The following MTMR10 variants were observed in gnomAD, a reference collection of about 807,000 sequenced individuals.
MTMR10 encodes the protein myotubularin related protein 10.
A neutral mutation model predicts 88.1 loss-of-function variants in MTMR10; 56 were observed. The observed-to-expected ratio is 0.64, with a 90% CI of 0.51 to 0.79. The LOEUF (loss-of-function observed/expected upper bound fraction) is 0.79, where lower values mean the gene tolerates loss of function less well. Among genes scored for constraint, MTMR10 ranks in the 30% least tolerant of loss-of-function variants. MTMR10 has a pLI of 0.00. For synonymous variants in MTMR10, 380 were observed against 340.9 expected, an observed-to-expected ratio of 1.11 and a Z score of -1.26; for missense variants, 883 against 924.7, an observed-to-expected ratio of 0.95 and a Z score of 0.58.
chr15:30,973,510 G>A (rs898478006), intron 5 of MTMR10, among the ~76,000 whole-genome samples: 10 of 152,072 alleles, frequency 6.6e-5, no homozygotes, highest in Non-Finnish European at 1.5e-4. Context: ...GACTAACCAT[G>A]GAAAACAAAG....
intron 2 of MTMR10, among the ~76,000 whole-genome samples, chr15:30,979,118 T>C (rs2030371222): frequency 6.6e-6 from 1 of 152,144 alleles, no homozygotes; most frequent in African/African-American, 2.4e-5. Context: ...GACACAGCCC[T>C]GTAACAATGA....
At chr15:30,925,668 T>C in the MTMR10 span, 5 of 1,112,202 alleles carry the variant, frequency 4.5e-6, no homozygotes, top group African/African-American at 6.2e-5. Context: ...CCCCACGCTG[T>C]GTGCTCTACT....
At chr15:30,979,397 A>T (rs79446265) in intron 2 of MTMR10, among the ~76,000 whole-genome samples, 1 of 77,900 alleles carries the variant, frequency 1.3e-5, no homozygotes, top group African/African-American at 4.1e-5. Flanking sequence ...CATCTCTATT[A>T]AAAAAAAAAA....
chr15:30,964,976 T>C (rs2141030893), intron 6 of MTMR10, among the ~76,000 whole-genome samples: 1 of 152,298 alleles, frequency 6.6e-6, no homozygotes, highest in Non-Finnish European at 1.5e-5. Flanking sequence ...CTGCAGAAAT[T>C]AGAAGTCACA....
chr15:30,990,822 T>C lies in MTMR10; in HGVS notation c.76A>G (p.Asn26Asp). 6.2e-7 allele frequency: 1 copy of C among 1,607,064 alleles called. No individual in the cohort carries two copies. Among genetic ancestry groups the C allele is most frequent in the Non-Finnish European group, 8.5e-7 (1 of 1,176,450 alleles). The change falls in exon 2 of 16, where the codon AAT becomes GAT. Residue 26 changes from asparagine (N) to aspartate (D), a missense_variant. Asn to Asp is a conservative substitution (Grantham distance 23). Around this residue, in one of 3 missense-constraint regions of MTMR10, gnomAD observed 414 missense variants for 423.2 expected, o/e 0.98. Transcript: ENST00000435680. The part of the protein sequence containing the change: ...LPPPQTDDKI[N>D]SEPKIKKLEP... ...AGTTTTTTAATCTTCGGTTCCGAAT[T>C]GATCTTATCGTCAGTCTGAAATACA... is the stretch of plus-strand genomic sequence containing the variant.
the MTMR10 span, chr15:30,928,269 C>T: frequency 9.0e-5 from 109 of 1,205,790 alleles, no homozygotes; most frequent in Middle Eastern, 3.4e-4. Context: ...TTAGGTTATT[C>T]ACTAAAGTTT....
At chr15:30,977,461 A>T (rs2030237353) in intron 2 of MTMR10, among the ~76,000 whole-genome samples, 1 of 152,246 alleles carries the variant, frequency 6.6e-6, no homozygotes. Flanking sequence ...CTCAGATTAT[A>T]ACTTAGTAGG....
rs1214741958 is a variant in MTMR10 at position 30,939,825 on chromosome 15, CTG to C, written c.*1643_*1644del. The C allele has an allele frequency of 9.1e-6, 9 of 985,222 alleles. No individual in the cohort carries two copies. Among genetic ancestry groups the C allele is most frequent in the Non-Finnish European group, 9.6e-6 (8 of 829,738 alleles). The allele number at this position is 985,222 out of a possible 1,614,324, so 61.0% of individuals were successfully genotyped here. A position where few individuals can be genotyped will look rare whatever the true frequency, so the allele number is the denominator to read the frequency against. On this transcript the variant is annotated 3_prime_UTR_variant, in exon 16 of 16. Coordinates refer to ENST00000435680, the MANE Select transcript of MTMR10 (RefSeq NM_017762.3). ...ATTGGGTCTGGTTTCTAATCAAGGA[CTG>C]TAAAATGTTTAATAATTCTATTTGT...
chr15:30,943,043 C>T lies in MTMR10; in HGVS notation c.1578G>A (p.Leu526=). Residue 526 remains leucine (L), a synonymous_variant, in exon 15 of 16, where the codon TTG becomes TTA. Coordinates refer to ENST00000435680, the MANE Select transcript of MTMR10 (RefSeq NM_017762.3). ...GGAATTTTAAGCCCTTCTCATCACC[C>T]AATTGGATGTTTTTGCTTATAGCAA... ...TEFAISKNIQ[L]GDEKGLKFPS... is the part of the protein sequence containing the mutation. 14 of 1,538,178 alleles carry T rather than the reference C, an allele frequency of 9.1e-6. No homozygotes were observed. The highest frequency in any genetic ancestry group is 1.2e-5 in the Non-Finnish European group (14 of 1,143,556).
rs1172969915 is a variant in MTMR10, at chr15:30,991,606, C to A, written c.-100G>T. ...AGTGCGGCCGCCCAGGCCCTTTCTG[C>A]GGCCAGCCGAGCCGGGCGGACTGAC... is the stretch of plus-strand genomic sequence containing the variant. On this transcript the variant is annotated 5_prime_UTR_variant, in exon 1 of 16. Transcript: ENST00000435680. The A allele has an allele frequency of 1.4e-6, 2 of 1,385,970 alleles. No individual in the cohort carries two copies. The highest frequency in any genetic ancestry group is 1.9e-6 in the Non-Finnish European group (2 of 1,052,026). The allele number at this position is 1,385,970 out of a possible 1,614,324, so 85.9% of individuals were successfully genotyped here. A position where few individuals can be genotyped will look rare whatever the true frequency, so the allele number is the denominator to read the frequency against.
chr15:30,922,179 A>G, the MTMR10 span: 1 of 1,584,502 alleles, frequency 6.3e-7, no homozygotes, highest in South Asian at 1.2e-5. Context: ...TGTAAATATC[A>G]TTGCAGCTGG....
At chr15:30,990,964 C>A in intron 1 of MTMR10, 127 bp from the exon 2 acceptor site, 1 of 757,110 alleles carries the variant, frequency 1.3e-6, no homozygotes, top group African/African-American at 1.8e-5. Context: ...TAAATTCTTT[C>A]GCATATTAAC....
At position 30,963,004 on chromosome 15, in the gene MTMR10, T is replaced by C. The variant is rs531365448; in HGVS notation, c.566-1931A>G. ...CAAGTAACTAAATACAGCTAGAGCA[T>C]AGGGATTCAACAGGTGGTGGAAGAG... On this transcript the variant is annotated intron_variant, in intron 6 of 15. Transcript: ENST00000435680. Among the ~76,000 whole-genome samples, 58 of 152,256 alleles carry C rather than the reference T, an allele frequency of 3.8e-4. 1 individual carries two copies. In the South Asian group the frequency reaches 8.9e-3, roughly 23 times the overall value.
Position 30,978,043 on chromosome 15 carries a change from T to A in MTMR10, c.122-1088A>T, listed in dbSNP as rs529030964. 1.8e-3 allele frequency among the ~76,000 whole-genome samples: 270 copies of A among 152,264 alleles called. 1 individual carries two copies. Among genetic ancestry groups the A allele is most frequent in the Middle Eastern group, 3.4e-3 (1 of 294 alleles). ...AGCCAGCTACCAGCCTTCCTCACCC[T>A]CACTGCTCTGCCCACAGTGGTGGCC... On this transcript the variant is annotated intron_variant, in intron 2 of 15. Transcript: ENST00000435680.
intron 5 of MTMR10, among the ~76,000 whole-genome samples, chr15:30,968,881 T>A (rs1218339220): frequency 1.3e-5 from 2 of 152,200 alleles, no homozygotes; most frequent in East Asian, 3.8e-4. Flanking sequence ...GATGGTGCTC[T>A]AGGCTTACAA....
chr15:30,974,376 A>G lies in MTMR10; in HGVS notation c.412T>C (p.Cys138Arg), dbSNP rs1163627743. Residue 138 changes from cysteine (C) to arginine (R), a missense_variant, in exon 5 of 16, where the codon TGT (cysteine) becomes CGT (arginine). Physicochemically the swap from Cys to Arg is radical, Grantham distance 180. Around this residue, in one of 3 missense-constraint regions of MTMR10, gnomAD observed 414 missense variants for 423.2 expected, o/e 0.98. Coordinates refer to ENST00000435680, the MANE Select transcript of MTMR10 (RefSeq NM_017762.3). Reference sequence around the variant, plus strand: ...AATCTGACAATTCTGAAATCTTTACAATAAATAATTAACTCTGTTGGATTA... The same window carrying G: ...AATCTGACAATTCTGAAATCTTTACGATAAATAATTAACTCTGTTGGATTA... ...KFNPTELIIY[C>R]KDFRIVRFRF... The G allele has an allele frequency of 4.4e-6, 7 of 1,609,038 alleles. No individual in the cohort carries two copies. Among genetic ancestry groups the G allele is most frequent in the Non-Finnish European group, 5.9e-6 (7 of 1,176,848 alleles).
chr15:30,951,513 ATTTTTTT>A (rs34631331), intron 12 of MTMR10, among the ~76,000 whole-genome samples: 1 of 150,890 alleles, frequency 6.6e-6, no homozygotes, highest in Admixed American at 6.6e-5. Context: ...GTTTTTATTT[ATTTTTTT>A]TTTGAGTCTT....
intron 2 of MTMR10, among the ~76,000 whole-genome samples, chr15:30,984,833 T>C (rs1338398430): frequency 6.6e-6 from 1 of 152,194 alleles, no homozygotes; most frequent in African/African-American, 2.4e-5. Context: ...CAACGGGCAC[T>C]CAAGATTCAG....
chr15:30,967,152 G>A (rs1222961194), intron 6 of MTMR10, among the ~76,000 whole-genome samples: 1 of 152,070 alleles, frequency 6.6e-6, no homozygotes, highest in Non-Finnish European at 1.5e-5. Flanking sequence ...TATTTTTCTT[G>A]CTTAAATAAA....
Sources: gnomAD v4.1 joint callset for allele counts (sites outside exome capture counted in the v4.1 genomes callset) on GRCh38, gnomAD v4.1.1 for gene constraint, gnomAD v4.1.1 regional missense constraint, MANE v1.5 for transcripts, NCBI Gene and HGNC (gene_info 2026-07-23, HGNC 2026-07-21) for gene names.